SRBD1: variants seen among roughly 807,000 people sequenced by gnomAD.
SRBD1 encodes S1 RNA binding domain 1.
In SRBD1, 88 loss-of-function variants were observed where a neutral mutation model predicts 115.3. The ratio of observed to expected loss-of-function variants is 0.76; its 90% CI spans 0.64 to 0.91. The LOEUF (loss-of-function observed/expected upper bound fraction) is 0.91. SRBD1 is among the 40% of genes least tolerant of loss of function. SRBD1 has a pLI of 0.00. For synonymous variants in SRBD1, 509 were observed against 407.7 expected, an observed-to-expected ratio of 1.25 and a Z score of -2.99; for missense variants, 1,385 against 1,177.4, an observed-to-expected ratio of 1.18 and a Z score of -2.58.
intron 16 of SRBD1, among the ~76,000 whole-genome samples, chr2:45,463,008 A>C (rs1669367184): frequency 1.9e-5 from 1 of 52,344 alleles, no homozygotes; most frequent in African/African-American, 7.4e-5. Flanking sequence ...TTAATTGTTG[A>C]GAATAACCCG....
intron 4 of SRBD1, among the ~76,000 whole-genome samples, chr2:45,595,741 G>A (rs1558502438): frequency 6.6e-6 from 1 of 152,194 alleles, no homozygotes; most frequent in Non-Finnish European, 1.5e-5. Flanking sequence ...ATAATTGTCT[G>A]TAAAATTCAA....
At chr2:45,596,848 T>A (rs1185644044) in intron 4 of SRBD1, among the ~76,000 whole-genome samples, 1 of 151,976 alleles carries the variant, frequency 6.6e-6, no homozygotes, top group Non-Finnish European at 1.5e-5. Context: ...TAAATTTACA[T>A]TCTAAAGCTG....
chr2:45,471,185 T>C, intron 16 of SRBD1, among the ~76,000 whole-genome samples: 1 of 152,160 alleles, frequency 6.6e-6, no homozygotes, highest in Non-Finnish European at 1.5e-5. Context: ...TCCTAATACA[T>C]ATTCACTATA....
chr2:45,444,823 G>C (rs746838634), intron 16 of SRBD1, among the ~76,000 whole-genome samples: 148 of 152,288 alleles, frequency 9.7e-4, no homozygotes, highest in Admixed American at 1.4e-3. Context: ...ATCAGTAAGA[G>C]ACAAAGCCTC....
At chr2:45,554,695 T>A (rs1484759674) in intron 10 of SRBD1, among the ~76,000 whole-genome samples, 1 of 152,062 alleles carries the variant, frequency 6.6e-6, no homozygotes, top group Non-Finnish European at 1.5e-5. Context: ...ATAAAATTAA[T>A]CAGGAAAGAA....
chr2:45,487,416 A>C (rs3770272), intron 15 of SRBD1, among the ~76,000 whole-genome samples: 76,811 of 151,948 alleles, frequency 0.51, 20,824 homozygotes, highest in Non-Finnish European at 0.63. Context: ...GCAATCAAAT[A>C]CAACTAAAAT....
chr2:45,594,247 TAATTCCACAC>T (rs768878749), intron 4 of SRBD1, among the ~76,000 whole-genome samples: 2 of 152,182 alleles, frequency 1.3e-5, no homozygotes, highest in Non-Finnish European at 2.9e-5. Flanking sequence ...TTCACGCACA[TAATTCCACAC>T]AATTCCACAC....
At chr2:45,450,014 A>G (rs1311273792) in intron 16 of SRBD1, among the ~76,000 whole-genome samples, 1 of 152,170 alleles carries the variant, frequency 6.6e-6, no homozygotes, top group Non-Finnish European at 1.5e-5. Context: ...ATGGCTCCAT[A>G]TAACACCAAT....
chr2:45,516,645 G>C (rs866401285), intron 14 of SRBD1, among the ~76,000 whole-genome samples: 1 of 152,140 alleles, frequency 6.6e-6, no homozygotes, highest in East Asian at 1.9e-4. Flanking sequence ...TACAGGAGTA[G>C]ATAGTTCCAC....
intron 10 of SRBD1, among the ~76,000 whole-genome samples, chr2:45,554,458 A>G (rs1220855296): frequency 6.6e-6 from 1 of 152,194 alleles, no homozygotes; most frequent in African/African-American, 2.4e-5. Flanking sequence ...GAGTTAAAGT[A>G]GACTGAGCAA....
At chr2:45,484,935 C>A (rs967855894) in intron 15 of SRBD1, among the ~76,000 whole-genome samples, 3 of 152,128 alleles carry the variant, frequency 2.0e-5, no homozygotes, top group Admixed American at 2.0e-4. Flanking sequence ...ATTCTTTTTA[C>A]GGCTGAATGA....
chr2:45,519,803 C>A (rs375977474), intron 14 of SRBD1, among the ~76,000 whole-genome samples: 1 of 152,062 alleles, frequency 6.6e-6, no homozygotes, highest in African/African-American at 2.4e-5. Context: ...AGTAATGGAG[C>A]CTTCTTCTAA....
rs770226747 is a variant in SRBD1, at chr2:45,602,011, A to G, written c.153T>C (p.Arg51=). The change falls in exon 3 of 21, where the codon CGT becomes CGC. Residue 51 remains arginine, a synonymous_variant. Transcript: ENST00000263736. ...TGGATTCCTTGGGAGGGGGCTGTTTACGGCTTCTGGGAACTTTCTTTTGGG... is the reference window on the plus strand; with the variant it reads ...TGGATTCCTTGGGAGGGGGCTGTTTGCGGCTTCTGGGAACTTTCTTTTGGG... ...WEPQKKVPRS[R]KQPPPKESKP... is the part of the protein sequence containing the mutation. The G allele has an allele frequency of 2.7e-5, 43 of 1,614,074 alleles. No homozygotes were observed. In the South Asian group the frequency reaches 4.6e-4, roughly 17 times the overall value.
chr2:45,584,829 T>A (rs1277895627), intron 5 of SRBD1, among the ~76,000 whole-genome samples: 1 of 152,136 alleles, frequency 6.6e-6, no homozygotes, highest in Non-Finnish European at 1.5e-5. Flanking sequence ...TACAATCCAC[T>A]ATTGTTAAAT....
chr2:45,419,937 G>C (rs1254927875), intron 16 of SRBD1, 43 bp from the exon 17 acceptor site: 5 of 1,531,662 alleles, frequency 3.3e-6, no homozygotes, highest in Non-Finnish European at 4.5e-6. Flanking sequence ...AGGAGATGTA[G>C]TTCTTGGACT....
At chr2:45,427,405 G>A (rs370371302) in intron 16 of SRBD1, among the ~76,000 whole-genome samples, 120 of 151,790 alleles carry the variant, frequency 7.9e-4, no homozygotes, top group African/African-American at 2.8e-3. Context: ...GACACACACA[G>A]GCTCAAAATA....
intron 18 of SRBD1, among the ~76,000 whole-genome samples, chr2:45,416,211 T>C (rs1178817888): frequency 6.6e-6 from 1 of 152,008 alleles, no homozygotes; most frequent in Non-Finnish European, 1.5e-5. Flanking sequence ...CCACAAAATC[T>C]AGCTATGTGT....
At chr2:45,577,224 G>C (rs1243569220) in intron 7 of SRBD1, among the ~76,000 whole-genome samples, 1 of 152,144 alleles carries the variant, frequency 6.6e-6, no homozygotes, top group Non-Finnish European at 1.5e-5. Flanking sequence ...GTCCAACCAG[G>C]GAGAAAAATA....
At chr2:45,414,578 A>C (rs62127100) in intron 18 of SRBD1, among the ~76,000 whole-genome samples, 8 of 145,518 alleles carry the variant, frequency 5.5e-5, no homozygotes, top group Non-Finnish European at 9.0e-5. Flanking sequence ...CATAGTGTGT[A>C]TATAGTGTGT....
Sources: allele counts gnomAD v4.1 joint callset (sites outside exome capture counted in the v4.1 genomes callset), GRCh38; gene constraint gnomAD v4.1.1; transcripts MANE v1.5; gene names NCBI Gene and HGNC (gene_info 2026-07-23, HGNC 2026-07-21).